ITGA8: variants seen among roughly 807,000 people sequenced by gnomAD.
ITGA8 encodes the protein integrin alpha-8.
Under a neutral mutation model 142.3 loss-of-function variants are expected in ITGA8, and 91 were observed. That is an observed-to-expected ratio of 0.64 (90% CI 0.54 to 0.76). The LOEUF (loss-of-function observed/expected upper bound fraction) is 0.76. Among genes scored for constraint, ITGA8 ranks in the 30% least tolerant of loss-of-function variants. The pLI, the probability that ITGA8 is intolerant of heterozygous loss-of-function variation, is 0.00. For missense variants in ITGA8, 1,406 were observed against 1,327.7 expected, an observed-to-expected ratio of 1.06 and a Z score of -0.92; for synonymous variants, 505 against 485.2, an observed-to-expected ratio of 1.04 and a Z score of -0.54.
At chr10:15,613,878 C>T (rs1833346942) in intron 14 of ITGA8, 111 bp from the exon 15 acceptor site, 3 of 698,614 alleles carry the variant, frequency 4.3e-6, no homozygotes, top group Non-Finnish European at 7.4e-6. Flanking sequence ...ACTCCACAGG[C>T]CATTGCCAAC....
chr10:15,572,858 C>T (rs777346103), intron 24 of ITGA8, among the ~76,000 whole-genome samples: 5 of 152,162 alleles, frequency 3.3e-5, no homozygotes, highest in Non-Finnish European at 5.9e-5. Context: ...CCATGATCAC[C>T]ACAGTTCATT....
In ITGA8 at chr10:15,684,120, G is replaced by A. The variant is rs1415205938; in HGVS notation, c.452C>T (p.Ala151Val). ...KAHKGKVVAC[A>V]PLYHWRTLKP... ...AAGAGTTCTCCAGTGATATAAAGGAGCACAGGCCTAGGAAACATCAAAGAC... is the reference window on the plus strand; with the variant it reads ...AAGAGTTCTCCAGTGATATAAAGGAACACAGGCCTAGGAAACATCAAAGAC... The change falls in exon 4 of 30, where the codon GCT (alanine) becomes GTT (valine). Residue 151 changes from alanine to valine, a missense_variant. Physicochemically the swap from Ala to Val is moderately conservative, Grantham distance 64. Coordinates refer to ENST00000378076, the MANE Select transcript of ITGA8 (RefSeq NM_003638.3). 1.9e-6 allele frequency: 3 copies of A among 1,613,478 alleles called. No homozygotes were observed. In the African/African-American group the frequency reaches 4.0e-5, roughly 22 times the overall value.
intron 2 of ITGA8, among the ~76,000 whole-genome samples, chr10:15,694,675 C>CTAAATATATATATATATA (rs1835015382): frequency 7.9e-5 from 1 of 12,686 alleles, no homozygotes; most frequent in African/African-American, 1.4e-4. Flanking sequence ...CTATATTTGT[C>CTAAATATATATATATATA]GACATATATA....
chr10:15,650,508 T>G (rs1834065666), intron 11 of ITGA8, among the ~76,000 whole-genome samples: 1 of 152,160 alleles, frequency 6.6e-6, no homozygotes, highest in East Asian at 1.9e-4. Context: ...CCTCAACATG[T>G]GATGCCTGGC....
chr10:15,673,844 A>G (rs1834575336), intron 6 of ITGA8, among the ~76,000 whole-genome samples: 2 of 148,830 alleles, frequency 1.3e-5, no homozygotes, highest in African/African-American at 5.2e-5. Flanking sequence ...AGTCACTGTC[A>G]GAAGTCTTGA....
rs541282470 is a variant in ITGA8 at position 15,672,615 on chromosome 10, G to T, written c.802+9C>A. 1.2e-6 allele frequency: 2 copies of T among 1,607,058 alleles called. No homozygotes were observed. Among genetic ancestry groups the T allele is most frequent in the East Asian group, 2.2e-5 (1 of 44,598 alleles). ...AAAAACCACAAATGTCTTGGGCAAT[G>T]GGTCTTACCAAGGTAACTGTCATCA... On this transcript the variant is annotated intron_variant, in intron 7 of 29. Transcript: ENST00000378076.
At chr10:15,601,235 TA>T (rs150125064) in intron 20 of ITGA8, among the ~76,000 whole-genome samples, 20 of 150,388 alleles carry the variant, frequency 1.3e-4, no homozygotes, top group African/African-American at 2.9e-4. Context: ...CAAGACTCCA[TA>T]AAAAAAAGGA....
chr10:15,548,061 TA>T (rs200516856), intron 27 of ITGA8, among the ~76,000 whole-genome samples: 7 of 151,698 alleles, frequency 4.6e-5, no homozygotes, highest in African/African-American at 1.5e-4. Flanking sequence ...TTGAAAAATG[TA>T]AAAAAAATTT....
At chr10:15,518,635 G>C (rs1833005199) in intron 29 of ITGA8, among the ~76,000 whole-genome samples, 1 of 152,194 alleles carries the variant, frequency 6.6e-6, no homozygotes, top group African/African-American at 2.4e-5. Flanking sequence ...GGAATGGAAG[G>C]CTCTGTGAAA....
intron 8 of ITGA8, among the ~76,000 whole-genome samples, chr10:15,666,472 A>T (rs1399528139): frequency 6.6e-6 from 1 of 152,112 alleles, no homozygotes; most frequent in East Asian, 1.9e-4. Context: ...AAACAGGGAC[A>T]ATTTGACTTC....
rs144326962 is a variant in ITGA8 at position 15,708,116 on chromosome 10, G to C, written c.343+10650C>G. 2.6e-5 allele frequency among the ~76,000 whole-genome samples: 4 copies of C among 151,858 alleles called. No individual in the cohort carries two copies. In the East Asian group the frequency reaches 8.0e-4, roughly 30 times the overall value. On this transcript the variant is annotated intron_variant, in intron 2 of 29. Coordinates refer to ENST00000378076, the MANE Select transcript of ITGA8 (RefSeq NM_003638.3). ...TGTTAGTGGACGTACTCCACGTCAAGAACAGCATCTGCCTGTGCAGGGTTG... is the reference window on the plus strand; with the variant it reads ...TGTTAGTGGACGTACTCCACGTCAACAACAGCATCTGCCTGTGCAGGGTTG...
intron 2 of ITGA8, among the ~76,000 whole-genome samples, chr10:15,716,994 G>T (rs1835466589): frequency 6.6e-6 from 1 of 152,190 alleles, no homozygotes; most frequent in South Asian, 2.1e-4. Flanking sequence ...AAAATTTTCA[G>T]TTAGGAGTGG....
chr10:15,637,517 T>TG (rs1833793183), intron 13 of ITGA8, among the ~76,000 whole-genome samples: 5 of 149,938 alleles, frequency 3.3e-5, no homozygotes, highest in African/African-American at 7.3e-5. Flanking sequence ...TTTTTTTTTT[T>TG]TTTTTGTTTT....
At chr10:15,613,987 C>T in intron 14 of ITGA8, among the ~76,000 whole-genome samples, 1 of 152,140 alleles carries the variant, frequency 6.6e-6, no homozygotes, top group South Asian at 2.1e-4. Context: ...CACACAAATA[C>T]AAATAAAGAG....
At chr10:15,715,545 C>A (rs775151125) in intron 2 of ITGA8, among the ~76,000 whole-genome samples, 1 of 152,144 alleles carries the variant, frequency 6.6e-6, no homozygotes, top group Non-Finnish European at 1.5e-5. Context: ...TTGGGTATAC[C>A]TTTGATGTCA....
In ITGA8 at chr10:15,719,863, A is replaced by T. The variant is rs1835532103; in HGVS notation, c.-92T>A. The T allele has an allele frequency of 2.0e-6, 2 of 1,002,756 alleles. No individual in the cohort carries two copies. The highest frequency in any genetic ancestry group is 2.6e-6 in the Non-Finnish European group (2 of 765,512). The allele number at this position is 1,002,756 out of a possible 1,614,324, so 62.1% of individuals were successfully genotyped here. On this transcript the variant is annotated 5_prime_UTR_variant, in exon 1 of 30. Coordinates refer to ENST00000378076, the MANE Select transcript of ITGA8 (RefSeq NM_003638.3). ...GGGCTGGTGGAATCTGGCGGTCCCC[A>T]GCTGCCCGTGTCCCGGGTCGGTGCG... is the stretch of plus-strand genomic sequence containing the variant.
intron 26 of ITGA8, among the ~76,000 whole-genome samples, chr10:15,553,988 T>C (rs1157817280): frequency 6.6e-6 from 1 of 151,940 alleles, no homozygotes; most frequent in Non-Finnish European, 1.5e-5. Context: ...AGTGAAACTC[T>C]TGTCTCAAGA....
At position 15,613,736 on chromosome 10, in the gene ITGA8, G is replaced by A; in HGVS notation, c.1477C>T (p.Leu493Phe). 6.2e-7 allele frequency: 1 copy of A among 1,614,126 alleles called. No individual in the cohort carries two copies. Among genetic ancestry groups the A allele is most frequent in the East Asian group, 2.2e-5 (1 of 44,886 alleles). ...TTGATAATCATTGGGTGCAGCAGAA[G>A]CTGGGCATCTACAGTCACAACCGGT... ...ARPVVTVDAQ[L>F]LLHPMIINLE... Residue 493 changes from leucine (L) to phenylalanine (F), a missense_variant, in exon 15 of 30, where the codon CTT becomes TTT. Coordinates refer to ENST00000378076, the MANE Select transcript of ITGA8 (RefSeq NM_003638.3).
intron 21 of ITGA8, chr10:15,596,950 GT>G (rs1833020481): frequency 2.5e-6 from 1 of 394,314 alleles, no homozygotes; most frequent in Non-Finnish European, 4.5e-6. Flanking sequence ...GTATAAAATT[GT>G]TGTAACTAAA....
Sources: allele counts gnomAD v4.1 joint callset (sites outside exome capture counted in the v4.1 genomes callset), GRCh38; gene constraint gnomAD v4.1.1; transcripts MANE v1.5; gene names NCBI Gene and HGNC (gene_info 2026-07-23, HGNC 2026-07-21).